Variants in PPP2R3B observed in about 807,000 individuals in gnomAD.
PPP2R3B encodes serine/threonine-protein phosphatase 2A regulatory subunit B'' subunit beta.
A neutral mutation model predicts 72.9 loss-of-function variants in PPP2R3B; 68 were observed. The ratio of observed to expected loss-of-function variants is 0.93; its 90% CI spans 0.77 to 1.14. The LOEUF (loss-of-function observed/expected upper bound fraction) is 1.14. PPP2R3B is among the 50% of genes most tolerant of loss of function. The pLI is 0.00. For missense variants in PPP2R3B, 1,018 were observed against 842.0 expected (o/e 1.21, Z -2.59); for synonymous variants, 466 against 375.8 (o/e 1.24, Z -2.78).
chrX:369,149 C>T (rs1384568138), intron 1 of PPP2R3B, among the ~76,000 whole-genome samples: 1 of 152,182 alleles, frequency 6.6e-6, no homozygotes, highest in African/African-American at 2.4e-5. Context: ...CTGCCCCAAA[C>T]GTAGCCGGTG....
intron 2 of PPP2R3B, among the ~76,000 whole-genome samples, chrX:351,591 T>A (rs1305297204): frequency 7.0e-6 from 1 of 142,242 alleles, no homozygotes; most frequent in Non-Finnish European, 1.5e-5. Flanking sequence ...CAGGCTGGAG[T>A]GCAGTGTGTG....
chrX:352,860 A>G (rs2738402), intron 2 of PPP2R3B, among the ~76,000 whole-genome samples: 45,739 of 150,224 alleles, frequency 0.3, 7,623 homozygotes, highest in African/African-American at 0.42. Flanking sequence ...AAACGCTGCC[A>G]AGCTATGTGA....
Position 386,370 on chromosome X carries a change from C to G in PPP2R3B, c.322G>C (p.Val108Leu). The change falls in exon 1 of 13, where the codon GTA (valine) becomes CTA (leucine). Residue 108 changes from valine (V) to leucine (L), a missense_variant and splice_region_variant. Coordinates refer to ENST00000390665, the MANE Select transcript of PPP2R3B (RefSeq NM_013239.5). ...TAGCAGAAGGAAGAGTAACTTACTACTCTCGTCCCTGCGGATCTACGGGTG... is the reference window on the plus strand; with the variant it reads ...TAGCAGAAGGAAGAGTAACTTACTAGTCTCGTCCCTGCGGATCTACGGGTG... The part of the protein sequence containing the change: ...RGTRRSAGTR[V>L]VQTRKEEPLP... The G allele has an allele frequency of 7.6e-7, 1 of 1,316,658 alleles. No homozygotes were observed. The highest frequency in any genetic ancestry group is 2.8e-5 in the East Asian group (1 of 35,750). 81.6% of individuals were successfully genotyped at this position (1,316,658 alleles called of 1,614,324 possible).
chrX:334,642 A>G, intron 12 of PPP2R3B, 125 bp from the exon 13 acceptor site: 3 of 1,138,826 alleles, frequency 2.6e-6, no homozygotes, highest in Non-Finnish European at 3.4e-6. Flanking sequence ...GCCGACCTTG[A>G]GCTCCAGCCG....
chrX:350,380 C>T (rs954686443), intron 2 of PPP2R3B, among the ~76,000 whole-genome samples: 18 of 152,324 alleles, frequency 1.2e-4, no homozygotes, highest in South Asian at 6.2e-4. Flanking sequence ...AAGGGAGCAC[C>T]GCTGCACCGC....
chrX:335,363 G>C (rs28565116), intron 12 of PPP2R3B: 41,198 of 152,344 alleles, frequency 0.27, 5,882 homozygotes, highest in Middle Eastern at 0.38. Flanking sequence ...GCAGAGACTG[G>C]GAAGTTGTGG....
intron 1 of PPP2R3B, among the ~76,000 whole-genome samples, chrX:376,418 G>A (rs1207808981): frequency 3.9e-5 from 6 of 152,184 alleles, no homozygotes; most frequent in Non-Finnish European, 8.8e-5. Flanking sequence ...GGACAGGGCT[G>A]TCCACACTCG....
rs374116465 is a variant in PPP2R3B at position 338,568 on chromosome X, G to C, written c.1577+36C>G. On this transcript the variant is annotated intron_variant, in intron 12 of 12. Coordinates refer to ENST00000390665, the MANE Select transcript of PPP2R3B (RefSeq NM_013239.5). ...CTCCCCACTCACCCGTCCTCCCACT[G>C]ACCCGTCCCCCCACTCACCCGTCCT... is the stretch of plus-strand genomic sequence containing the variant. 7.0e-5 allele frequency: 97 copies of C among 1,388,000 alleles called. No individual in the cohort carries two copies. The East Asian group carries it at 9.9e-4, about 14-fold the overall frequency. The allele number at this position is 1,388,000 out of a possible 1,614,324, so 86.0% of individuals were successfully genotyped here.
At chrX:364,050 C>A (rs2071626826) in intron 1 of PPP2R3B, among the ~76,000 whole-genome samples, 1 of 152,234 alleles carries the variant, frequency 6.6e-6, no homozygotes, top group Admixed American at 6.5e-5. Flanking sequence ...CCCGGGGAAG[C>A]CCGTGGAGCC....
rs181639442 is a variant in PPP2R3B at position 344,557 on chromosome X, C to T, written c.1036+959G>A. Among the ~76,000 whole-genome samples, 981 of 152,368 alleles carry T rather than the reference C, an allele frequency of 6.4e-3. 11 individuals carry two copies. Among genetic ancestry groups the T allele is most frequent in the African/African-American group, 0.021 (885 of 41,588 alleles). ...GTGGGCTCCAGAGGAACGCGGAAAG[C>T]TGGGGCCGCGCCGGGCCGGGGGTTC... On this transcript the variant is annotated intron_variant, in intron 7 of 12. Transcript: ENST00000390665.
chrX:356,435 C>G (rs1467563464), intron 2 of PPP2R3B, among the ~76,000 whole-genome samples: 10 of 152,088 alleles, frequency 6.6e-5, no homozygotes, highest in Non-Finnish European at 1.3e-4. Context: ...AGGCTGGCCT[C>G]GAACTCCTGA....
At chrX:379,019 G>A (rs927153409) in intron 1 of PPP2R3B, among the ~76,000 whole-genome samples, 1 of 146,750 alleles carries the variant, frequency 6.8e-6, no homozygotes, top group African/African-American at 2.4e-5. Flanking sequence ...ACACCTGTAT[G>A]TACATGCACC....
intron 1 of PPP2R3B, among the ~76,000 whole-genome samples, chrX:363,600 C>G (rs1467798157): frequency 1.4e-5 from 2 of 148,074 alleles, no homozygotes; most frequent in Non-Finnish European, 3.0e-5. Context: ...TCTCCCCGTG[C>G]CCGCAATCCC....
Position 334,054 on chromosome X carries a change from T to G in PPP2R3B, c.*313A>C. ...GGCGCCCGGGAGCCGCCGGTCACCG[T>G]TGTGCGCACACGGACCCTTTCCACA... On this transcript the variant is annotated 3_prime_UTR_variant, in exon 13 of 13. Transcript: ENST00000390665. The G allele has an allele frequency of 3.5e-6, 1 of 286,932 alleles. No homozygotes were observed. Among genetic ancestry groups the G allele is most frequent in the Non-Finnish European group, 6.4e-6 (1 of 155,134 alleles). The allele number at this position is 286,932 out of a possible 1,614,324, so 17.8% of individuals were successfully genotyped here.
rs1178775394 is a variant in PPP2R3B, at chrX:334,465, G to T, written c.1630C>A (p.Pro544Thr). 6.3e-7 allele frequency: 1 copy of T among 1,594,830 alleles called. No individual in the cohort carries two copies. The change falls in exon 13 of 13, where the codon CCG (proline) becomes ACG (threonine). Residue 544 changes from proline to threonine, a missense_variant. Coordinates refer to ENST00000390665, the MANE Select transcript of PPP2R3B (RefSeq NM_013239.5). ...TCGAAGAAGGGCCTCTGGGCCAGCG[G>T]GGAGCGCAGCGCACTCAGCTTCTGC... ...VEQKLSALRS[P>T]LAQRPFFEAP...
intron 1 of PPP2R3B, 133 bp from the exon 2 acceptor site, chrX:361,723 T>A: frequency 4.1e-6 from 4 of 979,152 alleles, no homozygotes; most frequent in Non-Finnish European, 6.1e-6. Context: ...GAGGACACAC[T>A]GCAATCCCTG....
intron 1 of PPP2R3B, among the ~76,000 whole-genome samples, chrX:378,961 T>C (rs1168974193): frequency 6.6e-6 from 1 of 152,236 alleles, no homozygotes; most frequent in African/African-American, 2.4e-5. Flanking sequence ...GGTGCTTTTG[T>C]CTTACAACAT....
intron 1 of PPP2R3B, among the ~76,000 whole-genome samples, chrX:369,149 C>A (rs1384568138): frequency 6.6e-6 from 1 of 152,182 alleles, no homozygotes; most frequent in East Asian, 1.9e-4. Flanking sequence ...CTGCCCCAAA[C>A]GTAGCCGGTG....
At chrX:338,517 CA>C in intron 12 of PPP2R3B, 86 bp downstream of exon 12, 1 of 1,255,450 alleles carries the variant, frequency 8.0e-7, no homozygotes. Context: ...CGGCTGCACA[CA>C]CACCCGTCCT....
Sources: gnomAD v4.1 joint callset for allele counts (sites outside exome capture counted in the v4.1 genomes callset) on GRCh38, gnomAD v4.1.1 for gene constraint, MANE v1.5 for transcripts, NCBI Gene and HGNC (gene_info 2026-07-23, HGNC 2026-07-21) for gene names.